Variants in WDR26 observed in about 807,000 individuals in gnomAD.
The protein encoded by WDR26 is WD repeat domain 26, also known as WD repeat-containing protein 26.
In WDR26, 5 loss-of-function variants were observed where a neutral mutation model predicts 84.1. The observed-to-expected ratio is 0.06, with a 90% CI of 0.03 to 0.13. The LOEUF (loss-of-function observed/expected upper bound fraction) is 0.13, where lower values mean the gene tolerates loss of function less well. Among genes scored for constraint, WDR26 ranks in the 10% least tolerant of loss-of-function variants. The pLI, the probability that WDR26 is intolerant of heterozygous loss-of-function variation, is 1.00. For synonymous variants in WDR26, 415 were observed against 389.6 expected (o/e 1.07, Z -0.77); for missense variants, 642 against 974.9 (o/e 0.66, Z 4.55).
Position 224,419,135 on chromosome 1 carries a change from G to A in WDR26, c.1162+383C>T, listed in dbSNP as rs369062324. 7.2e-5 allele frequency among the ~76,000 whole-genome samples: 11 copies of A among 152,174 alleles called. No homozygotes were observed. In the East Asian group the frequency reaches 1.2e-3, roughly 16 times the overall value. On this transcript the variant is annotated intron_variant, in intron 5 of 13. Coordinates refer to ENST00000414423, the MANE Select transcript of WDR26 (RefSeq NM_001379403.1). ...TCTAGAATAAACATAACATGGTTGG[G>A]GAAGAATAAAACAATTTACCTAAAG...
rs550294638 is a variant in WDR26, at chr1:224,401,100, T to C, written c.1600-31A>G. On this transcript the variant is annotated intron_variant, in intron 8 of 13. Transcript: ENST00000414423. ...AGGAAATAAAACTGTAAATGAGACC[T>C]TCAAGATACCCCTCTAAAGGAATTA... The C allele has an allele frequency of 1.0e-4, 160 of 1,597,348 alleles. No homozygotes were observed. In the East Asian group the frequency reaches 3.1e-3, roughly 31 times the overall value.
chr1:224,398,205 G>C lies in WDR26; in HGVS notation c.1966C>G (p.Gln656Glu), dbSNP rs1360219145. Residue 656 changes from glutamine (Q) to glutamate (E), a missense_variant, in exon 12 of 14, where the codon CAA (glutamine) becomes GAA (glutamate). Gln to Glu is a conservative substitution (Grantham distance 29). This residue lies in a region of WDR26 where 351 missense variants were observed against 672.8 expected (regional missense o/e 0.52). Coordinates refer to ENST00000414423, the MANE Select transcript of WDR26 (RefSeq NM_001379403.1). Reference sequence around the variant, plus strand: ...TACTTTCTTACTAAAACTCTGTCTTGCAAGTCCCATAAATGAACTCCCTGC... The same window carrying C: ...TACTTTCTTACTAAAACTCTGTCTTCCAAGTCCCATAAATGAACTCCCTGC... 5.0e-6 allele frequency: 8 copies of C among 1,612,916 alleles called. No homozygotes were observed. Among genetic ancestry groups the C allele is most frequent in the Non-Finnish European group, 6.8e-6 (8 of 1,179,778 alleles).
chr1:224,424,834 T>G (rs1001885947), intron 3 of WDR26, 180 bp from the exon 4 acceptor site: 2 of 687,248 alleles, frequency 2.9e-6, no homozygotes, highest in African/African-American at 3.6e-5. Flanking sequence ...TAAATGTGAC[T>G]TTGCTCAATT....
At chr1:224,391,379 A>AAC (rs1673122891) in intron 13 of WDR26, among the ~76,000 whole-genome samples, 1 of 106,888 alleles carries the variant, frequency 9.4e-6, no homozygotes, top group African/African-American at 4.8e-5. Context: ...AAAAAAAAAA[A>AAC]AAAACAAAAA....
Position 224,387,544 on chromosome 1 carries a change from T to G in WDR26, c.*2291A>C, listed in dbSNP as rs1369003281. 1 of 152,640 alleles carries G rather than the reference T, an allele frequency of 6.6e-6. No individual in the cohort carries two copies. Among genetic ancestry groups the G allele is most frequent in the Non-Finnish European group, 1.5e-5 (1 of 68,032 alleles). 9.5% of individuals were successfully genotyped at this position (152,640 alleles called of 1,614,324 possible). A position where few individuals can be genotyped will look rare whatever the true frequency, so the allele number is the denominator to read the frequency against. On this transcript the variant is annotated 3_prime_UTR_variant, in exon 14 of 14. Transcript: ENST00000414423. ...CACTTTTACTCCACTTTTTAAAAAG[T>G]GTTTTTAAACTGTACTTCAGAAGCA...
In WDR26 at chr1:224,388,027, T is replaced by C. The variant is rs1673028502; in HGVS notation, c.*1808A>G. 6.6e-6 allele frequency: 1 copy of C among 152,634 alleles called. No individual in the cohort carries two copies. Among genetic ancestry groups the C allele is most frequent in the South Asian group, 2.1e-4 (1 of 4,836 alleles). 9.5% of individuals were successfully genotyped at this position (152,634 alleles called of 1,614,324 possible). A position where few individuals can be genotyped will look rare whatever the true frequency, so the allele number is the denominator to read the frequency against. On this transcript the variant is annotated 3_prime_UTR_variant, in exon 14 of 14. Transcript: ENST00000414423. ...TTGAAGAAATCTTTTACATACCAAT[T>C]TGATAAGAGTCTGCTGACCACGATC...
Position 224,389,654 on chromosome 1 carries a change from C to T in WDR26, c.*181G>A. 2 of 659,246 alleles carry T rather than the reference C, an allele frequency of 3.0e-6. No individual in the cohort carries two copies. Among genetic ancestry groups the T allele is most frequent in the Non-Finnish European group, 5.3e-6 (2 of 376,704 alleles). 40.8% of individuals were successfully genotyped at this position (659,246 alleles called of 1,614,324 possible). A position where few individuals can be genotyped will look rare whatever the true frequency, so the allele number is the denominator to read the frequency against. On this transcript the variant is annotated 3_prime_UTR_variant, in exon 14 of 14. Transcript: ENST00000414423. ...AACGTTCTAACGACGTGCTTCATCT[C>T]AACTGGTTACTATGAAGCAAGGTGT...
intron 8 of WDR26, 84 bp from the exon 9 acceptor site, chr1:224,401,153 T>C: frequency 1.5e-6 from 2 of 1,366,268 alleles, no homozygotes; most frequent in Non-Finnish European, 2.0e-6. Context: ...AACTGGGATG[T>C]CTGGCTGGTT....
Position 224,434,606 on chromosome 1 carries a change from G to A in WDR26, c.-201C>T. ...CTCCCGGAGGCAGCTCGGGGTGCGC[G>A]GCCCGGGGGTCGCGCCGGGGGGCGC... On this transcript the variant is annotated 5_prime_UTR_variant, in exon 1 of 14. Transcript: ENST00000414423. 1.9e-6 allele frequency: 1 copy of A among 527,302 alleles called. No individual in the cohort carries two copies. The highest frequency in any genetic ancestry group is 2.4e-6 in the Non-Finnish European group (1 of 414,770). 32.7% of individuals were successfully genotyped at this position (527,302 alleles called of 1,614,324 possible).
chr1:224,431,169 A>G, intron 3 of WDR26: 1 of 224,556 alleles, frequency 4.5e-6, no homozygotes, highest in South Asian at 6.9e-5. Context: ...TAAGTAACAT[A>G]ATAAAAGTAT....
At chr1:224,433,240 T>C (rs1674454497) in intron 1 of WDR26, among the ~76,000 whole-genome samples, 1 of 152,048 alleles carries the variant, frequency 6.6e-6, no homozygotes, top group South Asian at 2.1e-4. Flanking sequence ...TGGGGAGGTG[T>C]CCCACAAAGA....
In WDR26 at chr1:224,398,079, GATAAGGAC is replaced by G; in HGVS notation, c.2074+10_2074+17del. On this transcript the variant is annotated intron_variant, in intron 12 of 13. Coordinates refer to ENST00000414423, the MANE Select transcript of WDR26 (RefSeq NM_001379403.1). Reference sequence around the variant, plus strand: ...ACTTTAATATCAACATATGTAAACTGATAAGGACACAATTTACCTTCACTGCCACTAGC... The same window carrying G: ...ACTTTAATATCAACATATGTAAACTGACAATTTACCTTCACTGCCACTAGC... 1 of 1,610,404 alleles carries G rather than the reference GATAAGGAC, an allele frequency of 6.2e-7. No individual in the cohort carries two copies. The highest frequency in any genetic ancestry group is 8.5e-7 in the Non-Finnish European group (1 of 1,179,152).
rs1673337902 is a variant in WDR26 at position 224,399,092 on chromosome 1, A to G, written c.1720-58T>C. On this transcript the variant is annotated intron_variant, in intron 9 of 13. Transcript: ENST00000414423. ...ACTCAACAGCACTCAGAAAGCAAAT[A>G]AAGAACCAAAAGACTCCCTTCACAA... The G allele has an allele frequency of 5.7e-6, 8 of 1,409,934 alleles. No homozygotes were observed. In the South Asian group the frequency reaches 1.2e-4, roughly 21 times the overall value. 87.3% of individuals were successfully genotyped at this position (1,409,934 alleles called of 1,614,324 possible). A position where few individuals can be genotyped will look rare whatever the true frequency, so the allele number is the denominator to read the frequency against.
intron 13 of WDR26, among the ~76,000 whole-genome samples, chr1:224,392,679 C>T (rs138208698): frequency 6.6e-6 from 1 of 152,192 alleles, no homozygotes; most frequent in East Asian, 1.9e-4. Flanking sequence ...GGCAAATGAA[C>T]AGTAGTTCTC....
At chr1:224,426,957 G>A (rs1385137991) in intron 3 of WDR26, among the ~76,000 whole-genome samples, 1 of 151,306 alleles carries the variant, frequency 6.6e-6, no homozygotes, top group African/African-American at 2.4e-5. Context: ...AAAAAAATTA[G>A]CTGGGTGTGG....
rs759365780 is a variant in WDR26 at position 224,389,024 on chromosome 1, G to A, written c.*811C>T. 6.6e-6 allele frequency: 1 copy of A among 152,576 alleles called. No homozygotes were observed. The highest frequency in any genetic ancestry group is 1.5e-5 in the Non-Finnish European group (1 of 68,032). The allele number at this position is 152,576 out of a possible 1,614,324, so 9.5% of individuals were successfully genotyped here. The stretch of plus-strand genomic sequence containing the variant: ...CCTTCCAAGCACTGTTTCTGACCAT[G>A]TCTCATGTGGTATTCCAGAAGAGCA... On this transcript the variant is annotated 3_prime_UTR_variant, in exon 14 of 14. Coordinates refer to ENST00000414423, the MANE Select transcript of WDR26 (RefSeq NM_001379403.1).
In WDR26 at chr1:224,408,611, C is replaced by G. The variant is rs1433187292; in HGVS notation, c.1458+2816G>C. Reference sequence around the variant, plus strand: ...ACTCTTTTTCTAGTCTAATCTCCCACTCTGCCATTACTCATCCCATTCTTT... The same window carrying G: ...ACTCTTTTTCTAGTCTAATCTCCCAGTCTGCCATTACTCATCCCATTCTTT... On this transcript the variant is annotated intron_variant, in intron 7 of 13. Coordinates refer to ENST00000414423, the MANE Select transcript of WDR26 (RefSeq NM_001379403.1). Among the ~76,000 whole-genome samples, 7 of 150,556 alleles carry G rather than the reference C, an allele frequency of 4.6e-5. No homozygotes were observed. In the Admixed American group the frequency reaches 4.7e-4, roughly 10 times the overall value.
rs572176646 is a variant in WDR26 at position 224,396,112 on chromosome 1, A to G, written c.2074+1985T>C. Among the ~76,000 whole-genome samples the G allele has an allele frequency of 2.0e-5, 3 of 152,364 alleles. No individual in the cohort carries two copies. In the East Asian group the frequency reaches 5.8e-4, roughly 29 times the overall value. On this transcript the variant is annotated intron_variant, in intron 12 of 13. Transcript: ENST00000414423. ...CTGATTGATGTTCAAAACATTTTCA[A>G]AACCATTCTAAATCACTTGAGTCAT...
chr1:224,398,825 G>A, intron 10 of WDR26, 64 bp downstream of exon 10: 10 of 1,587,240 alleles, frequency 6.3e-6, no homozygotes, highest in South Asian at 1.1e-5. Context: ...GAAAAGGCAA[G>A]TTCCACTACA....
Sources: allele counts gnomAD v4.1 joint callset (sites outside exome capture counted in the v4.1 genomes callset), GRCh38; gene constraint gnomAD v4.1.1; regional missense constraint gnomAD v4.1.1; transcripts MANE v1.5; gene names NCBI Gene and HGNC (gene_info 2026-07-23, HGNC 2026-07-21).